ZDHHC14: variants seen among roughly 807,000 people sequenced by gnomAD.
ZDHHC14 encodes palmitoyltransferase ZDHHC14.
In ZDHHC14, 16 loss-of-function variants were observed where a neutral mutation model predicts 47.7. The ratio of observed to expected loss-of-function variants is 0.34; its 90% confidence interval spans 0.23 to 0.51. The LOEUF (loss-of-function observed/expected upper bound fraction) is 0.51, where lower values mean the gene tolerates loss of function less well. Among genes scored for constraint, ZDHHC14 ranks in the 20% least tolerant of loss-of-function variants. The pLI is 0.97. For synonymous variants in ZDHHC14, 293 were observed against 278.9 expected (o/e 1.05, Z -0.50); for missense variants, 515 against 662.5 (o/e 0.78, Z 2.44).
intron 8 of ZDHHC14, among the ~76,000 whole-genome samples, chr6:157,658,269 C>A (rs533580278): frequency 6.6e-6 from 1 of 152,256 alleles, no homozygotes; most frequent in South Asian, 2.1e-4. Context: ...GTCACTCTTG[C>A]CTCACTGGTC....
intron 1 of ZDHHC14, among the ~76,000 whole-genome samples, chr6:157,452,260 A>G (rs1433624414): frequency 8.0e-6 from 1 of 125,018 alleles, no homozygotes; most frequent in Non-Finnish European, 1.7e-5. Context: ...TTTTTTTTTT[A>G]TAACTAGACT....
At position 157,529,370 on chromosome 6, in the gene ZDHHC14, G is replaced by T. The variant is rs144518031; in HGVS notation, c.246-13215G>T. ...TATTTAAGCAAAACTAACCAGTACG[G>T]TCTTTGTTTAGTATACATGTATTTT... On this transcript the variant is annotated intron_variant, in intron 1 of 8. Coordinates refer to ENST00000359775, the MANE Select transcript of ZDHHC14 (RefSeq NM_024630.3). Among the ~76,000 whole-genome samples the T allele has an allele frequency of 8.5e-5, 13 of 152,304 alleles. No individual in the cohort carries two copies. In the East Asian group the frequency reaches 2.5e-3, roughly 29 times the overall value.
intron 1 of ZDHHC14, among the ~76,000 whole-genome samples, chr6:157,516,331 C>T (rs1306605152): frequency 6.6e-6 from 1 of 152,116 alleles, no homozygotes; most frequent in Admixed American, 6.6e-5. Context: ...ATAAATCAAC[C>T]GTGTTTTTAA....
Position 157,645,828 on chromosome 6 carries a change from A to G in ZDHHC14, c.844A>G (p.Thr282Ala). The change falls in exon 6 of 9, where the codon ACA (threonine) becomes GCA (alanine). Residue 282 changes from threonine to alanine, a missense_variant. Physicochemically the swap from Thr to Ala is moderately conservative, Grantham distance 58 (BLOSUM62 0). This residue lies in a region of ZDHHC14 where 229 missense variants were observed against 351.5 expected (regional missense o/e 0.65). Coordinates refer to ENST00000359775, the MANE Select transcript of ZDHHC14 (RefSeq NM_024630.3). Reference sequence around the variant, plus strand: ...CTACTTGATCAGCTCCAACCAGACAACAAATGAGGACGTAAGTTCCTGACC... The same window carrying G: ...CTACTTGATCAGCTCCAACCAGACAGCAAATGAGGACGTAAGTTCCTGACC... Reference protein sequence around the residue: ...HTYLISSNQTTNEDIKGSWSN... With the variant: ...HTYLISSNQTANEDIKGSWSN... 1 of 1,614,032 alleles carries G rather than the reference A, an allele frequency of 6.2e-7. No homozygotes were observed.
At chr6:157,397,645 GT>G (rs1777548889) in intron 1 of ZDHHC14, among the ~76,000 whole-genome samples, 1 of 152,216 alleles carries the variant, frequency 6.6e-6, no homozygotes, top group African/African-American at 2.4e-5. Flanking sequence ...CAGCTGCAGA[GT>G]CCCTTTGGCA....
At chr6:157,457,047 G>A (rs970194261) in intron 1 of ZDHHC14, among the ~76,000 whole-genome samples, 5 of 139,936 alleles carry the variant, frequency 3.6e-5, no homozygotes, top group Non-Finnish European at 8.1e-5. Flanking sequence ...TGGTGCATGC[G>A]CCTATAGTTC....
chr6:157,442,093 G>T (rs1328383214), intron 1 of ZDHHC14, among the ~76,000 whole-genome samples: 2 of 152,078 alleles, frequency 1.3e-5, no homozygotes, highest in Admixed American at 1.3e-4. Flanking sequence ...CATTCATAAA[G>T]TTTTTTGAAA....
At chr6:157,520,960 G>C (rs1780889211) in intron 1 of ZDHHC14, among the ~76,000 whole-genome samples, 1 of 152,094 alleles carries the variant, frequency 6.6e-6, no homozygotes, top group Non-Finnish European at 1.5e-5. Context: ...TTGAATTTTT[G>C]CACATAAAAC....
At chr6:157,636,336 A>AGT (rs112041409) in intron 5 of ZDHHC14, among the ~76,000 whole-genome samples, 96,951 of 149,076 alleles carry the variant, frequency 0.65, 33,428 homozygotes, top group East Asian at 0.92. Context: ...AGGATATATA[A>AGT]GTGTGTGTGT....
chr6:157,585,966 C>T (rs1167716794), intron 2 of ZDHHC14, among the ~76,000 whole-genome samples: 1 of 152,188 alleles, frequency 6.6e-6, no homozygotes, highest in Non-Finnish European at 1.5e-5. Context: ...GGTGGAGGTG[C>T]GGGAGCATGG....
At chr6:157,478,243 A>G (rs1398404075) in intron 1 of ZDHHC14, among the ~76,000 whole-genome samples, 1 of 152,194 alleles carries the variant, frequency 6.6e-6, no homozygotes, top group East Asian at 1.9e-4. Flanking sequence ...AAATTGAACA[A>G]TGATAGAGTT....
chr6:157,574,851 G>A (rs1235649442), intron 2 of ZDHHC14, among the ~76,000 whole-genome samples: 1 of 152,170 alleles, frequency 6.6e-6, no homozygotes, highest in Non-Finnish European at 1.5e-5. Flanking sequence ...TGCAGTCGAT[G>A]TGATATGACT....
intron 1 of ZDHHC14, among the ~76,000 whole-genome samples, chr6:157,449,049 G>A (rs1778742980): frequency 6.6e-6 from 1 of 152,210 alleles, no homozygotes; most frequent in South Asian, 2.1e-4. Context: ...TTCTGACTTT[G>A]AGTGCAGGCC....
intron 1 of ZDHHC14, among the ~76,000 whole-genome samples, chr6:157,441,952 C>T (rs545888466): frequency 6.6e-6 from 1 of 152,334 alleles, no homozygotes; most frequent in South Asian, 2.1e-4. Flanking sequence ...ATTAGCATTA[C>T]AGTTAACTCA....
intron 1 of ZDHHC14, among the ~76,000 whole-genome samples, chr6:157,449,863 C>G (rs144562862): frequency 6.6e-6 from 1 of 152,110 alleles, no homozygotes; most frequent in Non-Finnish European, 1.5e-5. Context: ...ATGGGCTTGA[C>G]GTCAGACAGA....
At chr6:157,539,757 C>A (rs1398181445) in intron 1 of ZDHHC14, among the ~76,000 whole-genome samples, 1 of 152,194 alleles carries the variant, frequency 6.6e-6, no homozygotes, top group Non-Finnish European at 1.5e-5. Flanking sequence ...CTGCTTTATT[C>A]TCCACCGTGG....
intron 1 of ZDHHC14, among the ~76,000 whole-genome samples, chr6:157,488,249 G>A (rs1021948051): frequency 6.6e-6 from 1 of 152,200 alleles, no homozygotes; most frequent in African/African-American, 2.4e-5. Context: ...TGGAGAAAAT[G>A]GCTGATCTTC....
At chr6:157,568,883 G>A (rs1278122040) in intron 2 of ZDHHC14, among the ~76,000 whole-genome samples, 2 of 152,060 alleles carry the variant, frequency 1.3e-5, no homozygotes, top group Admixed American at 1.3e-4. Flanking sequence ...TTTACTGATA[G>A]CTGTTATTTC....
chr6:157,627,879 C>T (rs1281587344), intron 3 of ZDHHC14, among the ~76,000 whole-genome samples: 1 of 152,232 alleles, frequency 6.6e-6, no homozygotes, highest in Non-Finnish European at 1.5e-5. Flanking sequence ...GATTGTCCCT[C>T]TGTCCTGTCC....
Sources: gnomAD v4.1 joint callset for allele counts (sites outside exome capture counted in the v4.1 genomes callset) on GRCh38, gnomAD v4.1.1 for gene constraint, gnomAD v4.1.1 regional missense constraint, MANE v1.5 for transcripts, NCBI Gene and HGNC (gene_info 2026-07-23, HGNC 2026-07-21) for gene names.